The following PARD3B variants were observed in gnomAD, a reference collection of about 807,000 sequenced individuals.
PARD3B encodes partitioning defective 3 homolog B.
PARD3B carries 103 observed loss-of-function variants against 130.2 expected under a neutral mutation model. That is an observed-to-expected ratio of 0.79 (90% CI 0.67 to 0.93). The LOEUF is 0.93. Among genes scored for constraint, PARD3B ranks in the 40% least tolerant of loss-of-function variants. The pLI, the probability that PARD3B is intolerant of heterozygous loss-of-function variation, is 0.00. For synonymous variants in PARD3B, 583 were observed against 553.2 expected, an observed-to-expected ratio of 1.05 and a Z score of -0.76; for missense variants, 1,609 against 1,499.2, an observed-to-expected ratio of 1.07 and a Z score of -1.21.
Position 204,700,516 on chromosome 2 carries a change from C to T in PARD3B, c.222+14234C>T, listed in dbSNP as rs79949702. Among the ~76,000 whole-genome samples the T allele has an allele frequency of 2.3e-3, 351 of 152,184 alleles. 1 individual carries two copies. The highest frequency in any genetic ancestry group is 7.3e-3 in the African/African-American group (303 of 41,534). ...ATAGCTCTGGATTGAATTTTTGACA[C>T]GCAATCTTTTATTATGACATCTAGT... On this transcript the variant is annotated intron_variant, in intron 2 of 22. Transcript: ENST00000406610.
intron 1 of PARD3B, among the ~76,000 whole-genome samples, chr2:204,670,491 T>TC (rs2036248491): frequency 6.6e-6 from 1 of 152,212 alleles, no homozygotes; most frequent in Non-Finnish European, 1.5e-5. Flanking sequence ...TTTCTATTTT[T>TC]CTCCATAATT....
chr2:205,252,838 A>ACCCC (rs35793665), intron 16 of PARD3B, among the ~76,000 whole-genome samples: 17 of 83,928 alleles, frequency 2.0e-4, no homozygotes, highest in Admixed American at 3.5e-4. Context: ...ACCTGAAGGG[A>ACCCC]CCCCCCCCCC....
chr2:204,857,332 A>T (rs2044992690), intron 2 of PARD3B, among the ~76,000 whole-genome samples: 1 of 152,118 alleles, frequency 6.6e-6, no homozygotes, highest in African/African-American at 2.4e-5. Flanking sequence ...TCCTGTTTGT[A>T]TCTGTCTCTC....
At chr2:205,410,020 T>A (rs183318291) in intron 19 of PARD3B, among the ~76,000 whole-genome samples, 1 of 152,306 alleles carries the variant, frequency 6.6e-6, no homozygotes, top group East Asian at 1.9e-4. Context: ...TTTATGCCAA[T>A]CAGAGATACC....
At chr2:205,493,927 T>A (rs978521253) in intron 20 of PARD3B, among the ~76,000 whole-genome samples, 2 of 151,804 alleles carry the variant, frequency 1.3e-5, no homozygotes, top group Non-Finnish European at 1.5e-5. Context: ...CAGCTAATTT[T>A]TTTTTGTATT....
chr2:204,569,176 G>C (rs773009075), intron 1 of PARD3B, among the ~76,000 whole-genome samples: 3 of 152,118 alleles, frequency 2.0e-5, no homozygotes, highest in Non-Finnish European at 4.4e-5. Context: ...TCACTGCACA[G>C]TTTGCATATT....
intron 2 of PARD3B, among the ~76,000 whole-genome samples, chr2:204,749,591 A>T (rs887867296): frequency 6.6e-6 from 1 of 152,212 alleles, no homozygotes; most frequent in East Asian, 1.9e-4. Context: ...AAATAAAGTC[A>T]TTGAAAAACT....
chr2:204,691,066 G>T (rs572009494), intron 2 of PARD3B, among the ~76,000 whole-genome samples: 6 of 152,154 alleles, frequency 3.9e-5, no homozygotes, highest in Non-Finnish European at 8.8e-5. Context: ...TCTCGCTGCA[G>T]TATGTAAAGG....
intron 4 of PARD3B, among the ~76,000 whole-genome samples, chr2:205,064,478 T>C (rs760412013): frequency 6.6e-6 from 1 of 152,168 alleles, no homozygotes; most frequent in Non-Finnish European, 1.5e-5. Context: ...GGAAAAAAAG[T>C]CTGATTGGCC....
chr2:204,812,592 G>A (rs188028015), intron 2 of PARD3B, among the ~76,000 whole-genome samples: 1 of 152,256 alleles, frequency 6.6e-6, no homozygotes, highest in East Asian at 1.9e-4. Context: ...GCCAGCACTT[G>A]GGAGGGGCCG....
At chr2:204,905,724 G>A (rs1480841515) in intron 2 of PARD3B, among the ~76,000 whole-genome samples, 1 of 152,198 alleles carries the variant, frequency 6.6e-6, no homozygotes, top group Admixed American at 6.5e-5. Flanking sequence ...CAGAGGAAGA[G>A]TGGGGGTTAA....
At chr2:205,561,021 A>G (rs1430003414) in intron 22 of PARD3B, among the ~76,000 whole-genome samples, 2 of 152,218 alleles carry the variant, frequency 1.3e-5, no homozygotes, top group East Asian at 1.9e-4. Context: ...ACTTATGCCC[A>G]TCAGGAAGAG....
At chr2:204,862,963 A>G (rs535543976) in intron 2 of PARD3B, among the ~76,000 whole-genome samples, 1 of 152,242 alleles carries the variant, frequency 6.6e-6, no homozygotes, top group African/African-American at 2.4e-5. Flanking sequence ...GCTCCTCCCA[A>G]CTGCAAATGG....
chr2:204,957,913 T>C (rs1015883885), intron 2 of PARD3B, among the ~76,000 whole-genome samples: 2 of 152,192 alleles, frequency 1.3e-5, no homozygotes, highest in East Asian at 3.8e-4. Context: ...TACTGGGTTT[T>C]TTTTTGTCTT....
chr2:205,496,587 G>A lies in PARD3B; in HGVS notation c.3045-3309G>A, dbSNP rs1027157949. Among the ~76,000 whole-genome samples, 3 of 152,246 alleles carry A rather than the reference G, an allele frequency of 2.0e-5. No individual in the cohort carries two copies. The South Asian group carries it at 6.2e-4, about 32-fold the overall frequency. On this transcript the variant is annotated intron_variant, in intron 20 of 22. Transcript: ENST00000406610. ...GCCAGATTTCTTTTCTGGGTAAATA[G>A]CCATGCTCCTGTCAGCCACAGGGGA... is the stretch of plus-strand genomic sequence containing the variant.
At chr2:204,747,011 G>C (rs1047430357) in intron 2 of PARD3B, among the ~76,000 whole-genome samples, 2 of 152,098 alleles carry the variant, frequency 1.3e-5, no homozygotes, top group Non-Finnish European at 2.9e-5. Context: ...TTTGGCTTTT[G>C]TTGCCATTGC....
chr2:205,464,513 AG>A (rs2106236833), intron 20 of PARD3B, among the ~76,000 whole-genome samples: 1 of 152,262 alleles, frequency 6.6e-6, no homozygotes, highest in East Asian at 1.9e-4. Flanking sequence ...GCAGCCAGAG[AG>A]GGGGGTTAGG....
intron 18 of PARD3B, among the ~76,000 whole-genome samples, chr2:205,379,099 A>G (rs2045201930): frequency 6.6e-6 from 1 of 152,156 alleles, no homozygotes; most frequent in Admixed American, 6.6e-5. Context: ...TGAGAGGGCT[A>G]AATACTGATT....
At chr2:205,083,078 C>G (rs184466007) in intron 4 of PARD3B, among the ~76,000 whole-genome samples, 31 of 151,982 alleles carry the variant, frequency 2.0e-4, no homozygotes, top group Non-Finnish European at 3.7e-4. Context: ...CACTACCATG[C>G]CTGGCTAATT....
Sources: gnomAD v4.1 joint callset for allele counts (sites outside exome capture counted in the v4.1 genomes callset) on GRCh38, gnomAD v4.1.1 for gene constraint, MANE v1.5 for transcripts, NCBI Gene and HGNC (gene_info 2026-07-23, HGNC 2026-07-21) for gene names.